Variants in SLC17A1 observed in about 807,000 individuals in gnomAD.
The protein encoded by SLC17A1 is sodium-dependent phosphate transport protein 1.
SLC17A1 carries 51 observed loss-of-function variants against 53.5 expected under a neutral mutation model. The ratio of observed to expected loss-of-function variants is 0.95; its 90% CI spans 0.76 to 1.20. The LOEUF (loss-of-function observed/expected upper bound fraction) is 1.20. Ranked by LOEUF, SLC17A1 falls within the 50% of genes most tolerant of loss-of-function variation. The pLI is 0.00. For missense variants in SLC17A1, 538 were observed against 568.2 expected (o/e 0.95, Z 0.54); for synonymous variants, 179 against 198.8 (o/e 0.90, Z 0.84).
the SLC17A1 span, among the ~76,000 whole-genome samples, chr6:25,742,641 G>A: frequency 1.3e-5 from 2 of 151,694 alleles, no homozygotes; most frequent in African/African-American, 4.8e-5. Flanking sequence ...GGTATAATAT[G>A]TATGGTGGGA....
chr6:25,805,002 A>G (rs1323166097), intron 10 of SLC17A1, among the ~76,000 whole-genome samples: 1 of 152,094 alleles, frequency 6.6e-6, no homozygotes, highest in Admixed American at 6.5e-5. Context: ...ACAAAGAAAC[A>G]ATAAACTTAA....
At chr6:25,758,823 C>CT in the SLC17A1 span, among the ~76,000 whole-genome samples, 1 of 151,930 alleles carries the variant, frequency 6.6e-6, no homozygotes, top group Non-Finnish European at 1.5e-5. Flanking sequence ...TTGGTTATTT[C>CT]TTTTCTTCTG....
the SLC17A1 span, among the ~76,000 whole-genome samples, chr6:25,762,835 G>A: frequency 1.3e-5 from 2 of 152,160 alleles, no homozygotes; most frequent in African/African-American, 4.8e-5. Flanking sequence ...AGTAGTCTCG[G>A]CTGAAGGTCT....
chr6:25,796,540 A>T (rs1476999974), intron 12 of SLC17A1, among the ~76,000 whole-genome samples: 2 of 152,160 alleles, frequency 1.3e-5, no homozygotes, highest in Non-Finnish European at 2.9e-5. Context: ...CAGGGGATTG[A>T]GACTGCAGTA....
chr6:25,726,560 C>G, the SLC17A1 span: 10 of 1,584,550 alleles, frequency 6.3e-6, no homozygotes, highest in Non-Finnish European at 8.6e-6. Flanking sequence ...ACACGAGAAC[C>G]ACATTTCTAG....
At chr6:25,750,543 T>G in the SLC17A1 span, among the ~76,000 whole-genome samples, 2 of 152,088 alleles carry the variant, frequency 1.3e-5, no homozygotes, top group Non-Finnish European at 2.9e-5. Context: ...TGTGCAAGTA[T>G]CAAATCAAGG....
intron 5 of SLC17A1, 55 bp downstream of exon 5, chr6:25,819,456 T>C (rs1367772384): frequency 2.2e-6 from 3 of 1,358,426 alleles, no homozygotes; most frequent in Non-Finnish European, 3.2e-6. Context: ...TAGGGAAGAA[T>C]GTAATACAAT....
At chr6:25,753,706 T>A in the SLC17A1 span, among the ~76,000 whole-genome samples, 6 of 151,998 alleles carry the variant, frequency 3.9e-5, no homozygotes, top group Non-Finnish European at 8.8e-5. Flanking sequence ...AGATGGGGGA[T>A]CCTGGGCCAG....
At chr6:25,740,383 A>T in the SLC17A1 span, among the ~76,000 whole-genome samples, 5 of 151,356 alleles carry the variant, frequency 3.3e-5, no homozygotes, top group Non-Finnish European at 7.4e-5. Flanking sequence ...CTACAAAGTC[A>T]TTTTTTTTTA....
the SLC17A1 span, among the ~76,000 whole-genome samples, chr6:25,754,176 G>A: frequency 6.6e-6 from 1 of 152,046 alleles, no homozygotes; most frequent in African/African-American, 2.4e-5. Context: ...AACTAGAGGT[G>A]GGGAACCAGA....
At chr6:25,777,354 T>C in the SLC17A1 span, 4 of 178,840 alleles carry the variant, frequency 2.2e-5, no homozygotes, top group African/African-American at 7.1e-5. Context: ...CTGTCTCTGA[T>C]ACAGTAAAAA....
At chr6:25,797,364 T>G (rs1459084598) in intron 12 of SLC17A1, among the ~76,000 whole-genome samples, 6 of 152,236 alleles carry the variant, frequency 3.9e-5, no homozygotes, top group Non-Finnish European at 8.8e-5. Context: ...GATAAATGTT[T>G]GTAATCACTA....
chr6:25,830,453 T>C (rs1253313889), intron 2 of SLC17A1, 71 bp downstream of exon 2: 7 of 1,193,428 alleles, frequency 5.9e-6, no homozygotes, highest in African/African-American at 3.0e-5. Flanking sequence ...AAAATATTCT[T>C]CCACATGGAA....
intron 12 of SLC17A1, among the ~76,000 whole-genome samples, chr6:25,793,544 T>C (rs1350050655): frequency 1.3e-5 from 2 of 152,182 alleles, no homozygotes; most frequent in Non-Finnish European, 1.5e-5. Context: ...CCTGGAATTA[T>C]CCTGTTTAAA....
intron 6 of SLC17A1, among the ~76,000 whole-genome samples, chr6:25,817,292 C>T (rs557533424): frequency 6.6e-6 from 1 of 152,194 alleles, no homozygotes; most frequent in African/African-American, 2.4e-5. Context: ...ACTTTATTGG[C>T]AAGAATATTC....
chr6:25,731,478 G>A, the SLC17A1 span, among the ~76,000 whole-genome samples: 4 of 152,278 alleles, frequency 2.6e-5, no homozygotes, highest in African/African-American at 4.8e-5. Context: ...CAAAAAAGCC[G>A]TATTTCCCCA....
chr6:25,805,486 A>T (rs1203511362), intron 10 of SLC17A1, among the ~76,000 whole-genome samples: 1 of 152,042 alleles, frequency 6.6e-6, no homozygotes. Flanking sequence ...AAAAGAACAA[A>T]CTAAACCCAA....
At chr6:25,794,562 A>G (rs1005364996) in intron 12 of SLC17A1, among the ~76,000 whole-genome samples, 2 of 152,304 alleles carry the variant, frequency 1.3e-5, no homozygotes, top group Non-Finnish European at 2.9e-5. Flanking sequence ...ATAGAACATT[A>G]CAAAACCTAG....
At chr6:25,750,636 A>AGAGG in the SLC17A1 span, among the ~76,000 whole-genome samples, 1 of 96,338 alleles carries the variant, frequency 1.0e-5, no homozygotes, top group South Asian at 4.0e-4. Context: ...CCCATGTCAG[A>AGAGG]GAGAGAGAGA....
Sources: allele counts gnomAD v4.1 joint callset (sites outside exome capture counted in the v4.1 genomes callset), GRCh38; gene constraint gnomAD v4.1.1; transcripts MANE v1.5; gene names NCBI Gene and HGNC (gene_info 2026-07-23, HGNC 2026-07-21).